Variants in TRPC6 observed in about 807,000 individuals in gnomAD.
The protein encoded by TRPC6 is short transient receptor potential channel 6.
TRPC6 carries 55 observed loss-of-function variants against 90.7 expected under a neutral mutation model. The ratio of observed to expected loss-of-function variants is 0.61; its 90% CI spans 0.49 to 0.76. The LOEUF (loss-of-function observed/expected upper bound fraction) is 0.76, where lower values mean the gene tolerates loss of function less well. Ranked by LOEUF, TRPC6 falls within the 30% of genes least tolerant of loss-of-function variation. TRPC6 has a pLI of 0.00. For synonymous variants in TRPC6, 393 were observed against 393.0 expected, an observed-to-expected ratio of 1.00 and a Z score of 0.00; for missense variants, 989 against 1,122.7, an observed-to-expected ratio of 0.88 and a Z score of 1.70.
chr11:101,504,768 C>T lies in TRPC6; in HGVS notation c.201G>A (p.Arg67=), dbSNP rs372852515. ...FRGSDNRLAH[R]RQTVLREKGR... is the part of the protein sequence containing the mutation. ...CCTTCTCACGGAGAACTGTCTGCCGCCGGTGAGCCAGTCTGTTGTCAGATC... is the reference window on the plus strand; with the variant it reads ...CCTTCTCACGGAGAACTGTCTGCCGTCGGTGAGCCAGTCTGTTGTCAGATC... Residue 67 remains arginine (R), a synonymous_variant, in exon 2 of 13, where the codon CGG becomes CGA. Coordinates refer to ENST00000344327, the MANE Select transcript of TRPC6 (RefSeq NM_004621.6). 3.1e-6 allele frequency: 5 copies of T among 1,608,478 alleles called. No individual in the cohort carries two copies. In the African/African-American group the frequency reaches 6.7e-5, roughly 22 times the overall value.
intron 1 of TRPC6, among the ~76,000 whole-genome samples, chr11:101,552,255 C>T (rs957198790): frequency 6.6e-6 from 1 of 152,080 alleles, no homozygotes; most frequent in African/African-American, 2.4e-5. Flanking sequence ...AGCAGGTCAC[C>T]TCTAGCTGTA....
intron 1 of TRPC6, among the ~76,000 whole-genome samples, chr11:101,510,684 C>A (rs1040259408): frequency 6.6e-6 from 1 of 152,114 alleles, no homozygotes; most frequent in African/African-American, 2.4e-5. Context: ...TTTTTACATA[C>A]CTCATTTTCC....
intron 2 of TRPC6, among the ~76,000 whole-genome samples, chr11:101,496,700 A>T (rs775737349): frequency 1.3e-5 from 2 of 152,258 alleles, no homozygotes; most frequent in African/African-American, 2.4e-5. Flanking sequence ...TGAAGCTACG[A>T]AGCTTGGAGA....
Position 101,484,595 on chromosome 11 carries a change from ATGTG to A in TRPC6, c.1294-1434_1294-1431del, listed in dbSNP as rs61160203. Among the ~76,000 whole-genome samples the A allele has an allele frequency of 6.6e-3, 930 of 140,870 alleles. 4 individuals are homozygous for A. Among genetic ancestry groups the A allele is most frequent in the Non-Finnish European group, 8.3e-3 (538 of 65,064 alleles). 92.4% of individuals were successfully genotyped at this position (140,870 alleles called of 152,430 possible). On this transcript the variant is annotated intron_variant, in intron 4 of 12. Transcript: ENST00000344327. ...ATTGTATCTCTCTCTCTCTCATGCT[ATGTG>A]TGTGTGTGTGTGTGTGTGTGTGTGT... is the stretch of plus-strand genomic sequence containing the variant.
chr11:101,453,124 A>G lies in TRPC6; in HGVS notation c.2645-18T>C, dbSNP rs2136635327. On this transcript the variant is annotated intron_variant, in intron 12 of 12. Coordinates refer to ENST00000344327, the MANE Select transcript of TRPC6 (RefSeq NM_004621.6). ...CAGTTCCCCTTTGAAAGCAAGAGTG[A>G]TAAGAAGTCAACTATAAATACGCAA... 4 of 1,591,842 alleles carry G rather than the reference A, an allele frequency of 2.5e-6. No homozygotes were observed. The highest frequency in any genetic ancestry group is 3.4e-6 in the Non-Finnish European group (4 of 1,175,608).
chr11:101,484,733 C>G (rs531324192), intron 4 of TRPC6, among the ~76,000 whole-genome samples: 1 of 151,634 alleles, frequency 6.6e-6, no homozygotes, highest in South Asian at 2.1e-4. Context: ...GATATAAAAT[C>G]ATAATATTTA....
chr11:101,490,380 A>G lies in TRPC6; in HGVS notation c.1128+1176T>C, dbSNP rs141472394. On this transcript the variant is annotated intron_variant, in intron 3 of 12. Coordinates refer to ENST00000344327, the MANE Select transcript of TRPC6 (RefSeq NM_004621.6). ...AAAAATTGGGAGGAGACATGTTTATACTATTTGAAAACTTACCATAAACAT... is the reference window on the plus strand; with the variant it reads ...AAAAATTGGGAGGAGACATGTTTATGCTATTTGAAAACTTACCATAAACAT... Among the ~76,000 whole-genome samples the G allele has an allele frequency of 4.5e-3, 678 of 152,330 alleles. 3 individuals are homozygous for G. The highest frequency in any genetic ancestry group is 0.016 in the African/African-American group (645 of 41,580).
intron 1 of TRPC6, among the ~76,000 whole-genome samples, chr11:101,531,543 C>T (rs1272677814): frequency 1.3e-5 from 2 of 152,188 alleles, no homozygotes; most frequent in Non-Finnish European, 2.9e-5. Flanking sequence ...AAGAATTTGA[C>T]TCACAATCTT....
At chr11:101,583,090 G>C (rs1461226821) in intron 1 of TRPC6, 15 of 871,932 alleles carry the variant, frequency 1.7e-5, no homozygotes, top group African/African-American at 1.8e-5. Flanking sequence ...TCTCACTCTC[G>C]TGGGCAAACA....
intron 1 of TRPC6, among the ~76,000 whole-genome samples, chr11:101,522,787 T>C (rs1042383532): frequency 6.6e-6 from 1 of 152,220 alleles, no homozygotes. Context: ...AAAGCATGCA[T>C]AGAAATAACC....
rs1218485537 is a variant in TRPC6 at position 101,471,245 on chromosome 11, A to AT, written c.2346dup (p.Trp783MetfsTer4). On this transcript the variant is annotated frameshift_variant, in exon 9 of 13. Transcript: ENST00000344327. LOFTEE classifies it high-confidence loss of function. ...TGGCCCTGGAACAGCTCAGAAATCCATTTTTTAAGCTTCAGTAAGAGATAA... is the reference window on the plus strand; with the variant it reads ...TGGCCCTGGAACAGCTCAGAAATCCATTTTTTTAAGCTTCAGTAAGAGATAA... The AT allele has an allele frequency of 1.9e-6, 3 of 1,613,804 alleles. No individual in the cohort carries two copies. The highest frequency in any genetic ancestry group is 2.5e-6 in the Non-Finnish European group (3 of 1,179,882).
chr11:101,508,963 T>C (rs1436033864), intron 1 of TRPC6, among the ~76,000 whole-genome samples: 1 of 152,058 alleles, frequency 6.6e-6, no homozygotes, highest in African/African-American at 2.4e-5. Context: ...CATTTTAGGT[T>C]GGATTTAAAT....
chr11:101,549,655 G>A (rs1861408715), intron 1 of TRPC6, among the ~76,000 whole-genome samples: 1 of 148,490 alleles, frequency 6.7e-6, no homozygotes, highest in Non-Finnish European at 1.5e-5. Context: ...AGAGAAAAAA[G>A]GGATAAAAAA....
At chr11:101,524,016 T>C (rs996740099) in intron 1 of TRPC6, among the ~76,000 whole-genome samples, 1 of 152,228 alleles carries the variant, frequency 6.6e-6, no homozygotes, top group African/African-American at 2.4e-5. Flanking sequence ...CTGAGAGGAA[T>C]AGCCATTGTC....
chr11:101,529,853 G>T (rs1370903382), intron 1 of TRPC6, among the ~76,000 whole-genome samples: 1 of 152,196 alleles, frequency 6.6e-6, no homozygotes, highest in East Asian at 1.9e-4. Flanking sequence ...AAACCAAGGA[G>T]GCTCATTTTA....
intron 1 of TRPC6, among the ~76,000 whole-genome samples, chr11:101,526,044 C>T (rs910524172): frequency 3.9e-5 from 6 of 152,174 alleles, no homozygotes; most frequent in African/African-American, 9.7e-5. Context: ...TTTAATTACA[C>T]GGTAAAACAG....
At chr11:101,556,385 T>C (rs1861560986) in intron 1 of TRPC6, among the ~76,000 whole-genome samples, 2 of 151,966 alleles carry the variant, frequency 1.3e-5, no homozygotes, top group Non-Finnish European at 2.9e-5. Context: ...ACATTAAAAC[T>C]GATACCACAG....
chr11:101,482,070 A>C (rs997571560), intron 5 of TRPC6, among the ~76,000 whole-genome samples: 6 of 152,178 alleles, frequency 3.9e-5, no homozygotes, highest in Non-Finnish European at 7.3e-5. Flanking sequence ...TCCATTTCAC[A>C]TCCCACCTCA....
In TRPC6 at chr11:101,452,700, C is replaced by T. The variant is rs988587921; in HGVS notation, c.*255G>A. 2.1e-6 allele frequency: 1 copy of T among 466,816 alleles called. No individual in the cohort carries two copies. Among genetic ancestry groups the T allele is most frequent in the African/African-American group, 2.0e-5 (1 of 51,132 alleles). 28.9% of individuals were successfully genotyped at this position (466,816 alleles called of 1,614,324 possible). ...ACATCATCACAAGAGTTAGTTATAT[C>T]CAAGAAAGCAGTTTATAAAACAAGC... On this transcript the variant is annotated 3_prime_UTR_variant, in exon 13 of 13. Coordinates refer to ENST00000344327, the MANE Select transcript of TRPC6 (RefSeq NM_004621.6).
Sources: gnomAD v4.1 joint callset for allele counts (sites outside exome capture counted in the v4.1 genomes callset) on GRCh38, gnomAD v4.1.1 for gene constraint, MANE v1.5 for transcripts, NCBI Gene and HGNC (gene_info 2026-07-23, HGNC 2026-07-21) for gene names.